Variants in PARD3B observed in about 807,000 individuals in gnomAD.
PARD3B encodes partitioning defective 3 homolog B.
A neutral mutation model predicts 130.2 loss-of-function variants in PARD3B; 103 were observed. That is an observed-to-expected ratio of 0.79 (90% CI 0.67 to 0.93). The LOEUF (loss-of-function observed/expected upper bound fraction) is 0.93, where lower values mean the gene tolerates loss of function less well. Among genes scored for constraint, PARD3B ranks in the 40% least tolerant of loss-of-function variants. The pLI is 0.00. For missense variants in PARD3B, 1,609 were observed against 1,499.2 expected (o/e 1.07, Z -1.21); for synonymous variants, 583 against 553.2 (o/e 1.05, Z -0.76).
At chr2:205,044,852 A>T (rs1333629548) in intron 3 of PARD3B, among the ~76,000 whole-genome samples, 1 of 152,164 alleles carries the variant, frequency 6.6e-6, no homozygotes. Flanking sequence ...TCTCTTCCTG[A>T]CAGCCACCTT....
intron 2 of PARD3B, among the ~76,000 whole-genome samples, chr2:204,737,356 T>G (rs1036022901): frequency 2.0e-5 from 3 of 152,218 alleles, no homozygotes; most frequent in Non-Finnish European, 4.4e-5. Flanking sequence ...ATGTTGAGCA[T>G]TTTTTCATGC....
chr2:204,969,548 G>A (rs1313472196), intron 3 of PARD3B, among the ~76,000 whole-genome samples: 2 of 152,128 alleles, frequency 1.3e-5, no homozygotes. Context: ...CAATTGTGTA[G>A]GTAATCGATA....
chr2:205,134,224 G>A (rs567539006), intron 10 of PARD3B, among the ~76,000 whole-genome samples: 22 of 152,082 alleles, frequency 1.4e-4, no homozygotes, highest in African/African-American at 4.6e-4. Flanking sequence ...CATTTACATC[G>A]TCAAAATCAG....
At chr2:204,719,104 A>T (rs989893425) in intron 2 of PARD3B, among the ~76,000 whole-genome samples, 1 of 152,224 alleles carries the variant, frequency 6.6e-6, no homozygotes, top group African/African-American at 2.4e-5. Flanking sequence ...GAGTATGTTC[A>T]TAGTTGTTTT....
chr2:205,449,141 G>C (rs971198422), intron 20 of PARD3B, among the ~76,000 whole-genome samples: 2 of 147,514 alleles, frequency 1.4e-5, no homozygotes, highest in Non-Finnish European at 3.0e-5. Flanking sequence ...ACTCCAGCCT[G>C]GGCAACAAGA....
intron 18 of PARD3B, among the ~76,000 whole-genome samples, chr2:205,380,786 TAC>T (rs1476295282): frequency 9.7e-6 from 1 of 102,638 alleles, no homozygotes; most frequent in African/African-American, 4.1e-5. Flanking sequence ...ATAAAGAATA[TAC>T]ATTATATATA....
intron 2 of PARD3B, among the ~76,000 whole-genome samples, chr2:204,875,626 G>A (rs961164140): frequency 1.4e-4 from 21 of 152,098 alleles, no homozygotes; most frequent in African/African-American, 4.6e-4. Flanking sequence ...AAAGAGAAAC[G>A]GTGTCACAAA....
At chr2:205,595,716 A>T (rs772435973) in intron 22 of PARD3B, among the ~76,000 whole-genome samples, 9 of 152,224 alleles carry the variant, frequency 5.9e-5, no homozygotes, top group Non-Finnish European at 1.0e-4. Context: ...TAAATCAATA[A>T]ATCAGGGAGT....
intron 1 of PARD3B, among the ~76,000 whole-genome samples, chr2:204,553,113 T>C (rs1293689141): frequency 6.6e-6 from 1 of 151,962 alleles, no homozygotes; most frequent in Non-Finnish European, 1.5e-5. Flanking sequence ...GAATAGACAA[T>C]TCTCAAAAGA....
chr2:205,271,940 T>C (rs914081554), intron 16 of PARD3B, among the ~76,000 whole-genome samples: 5 of 152,074 alleles, frequency 3.3e-5, no homozygotes, highest in Non-Finnish European at 5.9e-5. Context: ...GGTGGATCAC[T>C]TGAGGTCAGG....
chr2:204,867,312 T>C (rs973745716), intron 2 of PARD3B, among the ~76,000 whole-genome samples: 1 of 152,152 alleles, frequency 6.6e-6, no homozygotes, highest in Non-Finnish European at 1.5e-5. Flanking sequence ...TTCTTTCTGG[T>C]TTGTTATACC....
chr2:205,147,722 A>T (rs762431940), intron 10 of PARD3B, among the ~76,000 whole-genome samples: 3 of 152,208 alleles, frequency 2.0e-5, no homozygotes, highest in Non-Finnish European at 4.4e-5. Context: ...AGGAAGTCAC[A>T]TAAGGACGTA....
intron 3 of PARD3B, among the ~76,000 whole-genome samples, chr2:204,974,582 C>T (rs1318190110): frequency 6.6e-6 from 1 of 152,124 alleles, no homozygotes; most frequent in African/African-American, 2.4e-5. Context: ...ATTAAACTTA[C>T]TAGTGTTTTT....
At chr2:205,053,440 C>A (rs1247073580) in intron 4 of PARD3B, among the ~76,000 whole-genome samples, 1 of 151,830 alleles carries the variant, frequency 6.6e-6, no homozygotes, top group East Asian at 1.9e-4. Flanking sequence ...GAGTTCGAGA[C>A]CAGCTGGCCA....
intron 1 of PARD3B, among the ~76,000 whole-genome samples, chr2:204,619,022 A>T (rs1470325331): frequency 2.0e-5 from 3 of 151,946 alleles, no homozygotes; most frequent in African/African-American, 7.3e-5. Context: ...TGCTCAGTAT[A>T]TTGTTACTGA....
chr2:204,681,544 G>A (rs2036834680), intron 1 of PARD3B, among the ~76,000 whole-genome samples: 1 of 152,160 alleles, frequency 6.6e-6, no homozygotes, highest in South Asian at 2.1e-4. Context: ...GCCAGTTAGG[G>A]CTGGTTCATA....
At chr2:204,827,401 G>T (rs1282271538) in intron 2 of PARD3B, among the ~76,000 whole-genome samples, 1 of 152,068 alleles carries the variant, frequency 6.6e-6, no homozygotes. Flanking sequence ...TAATTTAATT[G>T]GTTTCCTTTA....
At chr2:204,956,357 T>C (rs1479987432) in intron 2 of PARD3B, among the ~76,000 whole-genome samples, 1 of 152,232 alleles carries the variant, frequency 6.6e-6, no homozygotes, top group African/African-American at 2.4e-5. Context: ...GATGTTACAA[T>C]ATTGTAAATG....
At chr2:204,986,490 T>C (rs1693172262) in intron 3 of PARD3B, among the ~76,000 whole-genome samples, 1 of 152,230 alleles carries the variant, frequency 6.6e-6, no homozygotes, top group African/African-American at 2.4e-5. Context: ...AAATCCACTT[T>C]TGTAATCCAT....
Sources: allele counts gnomAD v4.1 joint callset (sites outside exome capture counted in the v4.1 genomes callset), GRCh38; gene constraint gnomAD v4.1.1; transcripts MANE v1.5; gene names NCBI Gene and HGNC (gene_info 2026-07-23, HGNC 2026-07-21).